The following LRRC53 variants were observed in gnomAD, a reference collection of about 807,000 sequenced individuals.
The protein encoded by LRRC53 is leucine rich repeat containing 53.
In LRRC53, 25 loss-of-function variants were observed where a neutral mutation model predicts 13.6. The observed-to-expected ratio is 1.83, with a 90% CI of 1.34 to 2.56. The LOEUF is 2.56. LRRC53 is among the 30% of genes most tolerant of loss of function. LRRC53 has a pLI of 0.00. For missense variants in LRRC53, 527 were observed against 275.8 expected (o/e 1.91, Z -6.45); for synonymous variants, 204 against 109.8 (o/e 1.86, Z -5.37).
In LRRC53 at chr1:74,486,752, G is replaced by T. The variant is rs559941589; in HGVS notation, c.-26-3377C>A. 3.9e-5 allele frequency among the ~76,000 whole-genome samples: 6 copies of T among 151,970 alleles called. No homozygotes were observed. The South Asian group carries it at 1.2e-3, about 32-fold the overall frequency. Reference sequence around the variant, plus strand: ...GGGGCAATAAAAAGCTTAAAGATAAGGAGGAGAGATGAAACCAAAAGAGGA... The same window carrying T: ...GGGGCAATAAAAAGCTTAAAGATAATGAGGAGAGATGAAACCAAAAGAGGA... On this transcript the variant is annotated intron_variant, in intron 1 of 4. Coordinates refer to ENST00000294635, the MANE Select transcript of LRRC53 (RefSeq NM_001382280.1).
At position 74,470,437 on chromosome 1, in the gene LRRC53, G is replaced by A. The variant is rs1426166302; in HGVS notation, c.3185C>T (p.Thr1062Ile). The A allele has an allele frequency of 5.0e-6, 2 of 400,514 alleles. No individual in the cohort carries two copies. The highest frequency in any genetic ancestry group is 8.8e-6 in the Non-Finnish European group (2 of 226,182). The allele number at this position is 400,514 out of a possible 1,614,324, so 24.8% of individuals were successfully genotyped here. A position where few individuals can be genotyped will look rare whatever the true frequency, so the allele number is the denominator to read the frequency against. ...GCCGTCATTTCTGGGCAATGCATTT[G>A]TGCTGTCAATTCCTTTTTCGCTACT... ...TNSSEKGIDS[T>I]NALPRNDGTE... The change falls in exon 5 of 5, where the codon ACA becomes ATA. Residue 1062 changes from threonine (T) to isoleucine (I), a missense_variant. Transcript: ENST00000294635.
At chr1:74,472,522 C>A (rs1425389344) in intron 4 of LRRC53, among the ~76,000 whole-genome samples, 1 of 152,046 alleles carries the variant, frequency 6.6e-6, no homozygotes, top group Non-Finnish European at 1.5e-5. Flanking sequence ...GTATGTAAAT[C>A]CTTTGTAAAT....
the LRRC53 span, among the ~76,000 whole-genome samples, chr1:74,533,938 G>T: frequency 1.1e-4 from 17 of 152,142 alleles, no homozygotes; most frequent in Admixed American, 2.0e-4. Context: ...AAAAACTTTT[G>T]TTCAAGTTCA....
intron 1 of LRRC53, among the ~76,000 whole-genome samples, chr1:74,502,610 T>C (rs1286125034): frequency 6.6e-6 from 1 of 152,120 alleles, no homozygotes; most frequent in East Asian, 1.9e-4. Flanking sequence ...CTATCCAGAG[T>C]ACTGAACTAC....
At chr1:74,497,863 G>A (rs143160775) in intron 1 of LRRC53, among the ~76,000 whole-genome samples, 10 of 152,264 alleles carry the variant, frequency 6.6e-5, no homozygotes, top group African/African-American at 2.4e-4. Context: ...TGATTCAGGA[G>A]TCCGAAATCC....
At chr1:74,508,115 G>A (rs1205728592) in intron 1 of LRRC53, among the ~76,000 whole-genome samples, 1 of 152,232 alleles carries the variant, frequency 6.6e-6, no homozygotes, top group Non-Finnish European at 1.5e-5. Context: ...AGGAGAGGCA[G>A]GCATGTGGAT....
At chr1:74,498,841 CTG>C (rs925949902) in intron 1 of LRRC53, among the ~76,000 whole-genome samples, 4 of 152,064 alleles carry the variant, frequency 2.6e-5, no homozygotes, top group Admixed American at 1.3e-4. Context: ...CATTCATTCC[CTG>C]TGTGTTTTTT....
the LRRC53 span, among the ~76,000 whole-genome samples, chr1:74,519,075 T>C: frequency 1.1e-5 from 1 of 92,088 alleles, no homozygotes; most frequent in Non-Finnish European, 2.0e-5. Context: ...ATATTCCCCT[T>C]CCTGTGTCCA....
intron 1 of LRRC53, among the ~76,000 whole-genome samples, chr1:74,497,058 C>T (rs1467530011): frequency 6.6e-6 from 1 of 152,148 alleles, no homozygotes; most frequent in Non-Finnish European, 1.5e-5. Flanking sequence ...AAGGGTCCAT[C>T]AAAGGTTTCT....
chr1:74,513,966 A>T (rs1452971516), upstream of LRRC53, among the ~76,000 whole-genome samples: 2 of 152,146 alleles, frequency 1.3e-5, no homozygotes, highest in East Asian at 3.9e-4. Context: ...TCTTCCAAAA[A>T]CTAATTAAGT....
Position 74,470,676 on chromosome 1 carries a change from C to T in LRRC53, c.2946G>A (p.Val982=), listed in dbSNP as rs189614996. The T allele has an allele frequency of 8.2e-5, 33 of 400,498 alleles. No individual in the cohort carries two copies. Among genetic ancestry groups the T allele is most frequent in the Non-Finnish European group, 1.1e-4 (24 of 226,134 alleles). The allele number at this position is 400,498 out of a possible 1,614,324, so 24.8% of individuals were successfully genotyped here. Reference sequence around the variant, plus strand: ...CTTCCTTATCCATAATACAATTTTCCACAATTTGATGTGATATTTGGGGTT... The same window carrying T: ...CTTCCTTATCCATAATACAATTTTCTACAATTTGATGTGATATTTGGGGTT... ...MTKPQISHQI[V]ENCIMDKEEN... is the part of the protein sequence containing the mutation. Residue 982 remains valine (V), a synonymous_variant, in exon 5 of 5, where the codon GTG becomes GTA. Transcript: ENST00000294635.
At chr1:74,521,518 A>G in the LRRC53 span, among the ~76,000 whole-genome samples, 27 of 151,266 alleles carry the variant, frequency 1.8e-4, no homozygotes, top group East Asian at 4.1e-3. Context: ...GTGTATGTGT[A>G]TATATATATA....
the LRRC53 span, among the ~76,000 whole-genome samples, chr1:74,533,742 A>G: frequency 1.3e-5 from 2 of 152,054 alleles, no homozygotes; most frequent in South Asian, 4.2e-4. Flanking sequence ...ATAAAAAATG[A>G]TGAGTTCATG....
At chr1:74,472,403 A>G (rs1231990485) in intron 4 of LRRC53, among the ~76,000 whole-genome samples, 1 of 152,200 alleles carries the variant, frequency 6.6e-6, no homozygotes, top group Non-Finnish European at 1.5e-5. Context: ...TTATGGTCAC[A>G]CTGCAGTCAG....
intron 1 of LRRC53, among the ~76,000 whole-genome samples, chr1:74,485,666 G>A (rs968561214): frequency 1.3e-5 from 2 of 152,166 alleles, no homozygotes; most frequent in Non-Finnish European, 2.9e-5. Context: ...ACCTAACTGG[G>A]TGAGCCCTTC....
At chr1:74,518,699 A>G in the LRRC53 span, among the ~76,000 whole-genome samples, 8 of 152,156 alleles carry the variant, frequency 5.3e-5, no homozygotes, top group South Asian at 1.7e-3. Flanking sequence ...TAAGCTCAAA[A>G]TTATTATATT....
chr1:74,492,627 G>A (rs1383529974), intron 1 of LRRC53, among the ~76,000 whole-genome samples: 3 of 152,098 alleles, frequency 2.0e-5, no homozygotes, highest in South Asian at 2.1e-4. Context: ...GAAGTTCAGC[G>A]TTCTAAGAAT....
chr1:74,498,892 G>T (rs900410563), intron 1 of LRRC53, among the ~76,000 whole-genome samples: 1 of 152,186 alleles, frequency 6.6e-6, no homozygotes, highest in East Asian at 1.9e-4. Context: ...ATAACAAAAG[G>T]TAATGTTCCT....
At chr1:74,487,320 T>C (rs1009099656) in intron 1 of LRRC53, among the ~76,000 whole-genome samples, 8 of 152,128 alleles carry the variant, frequency 5.3e-5, no homozygotes, top group Non-Finnish European at 1.0e-4. Flanking sequence ...ATTATGTAGG[T>C]CATAGGTGAG....
Sources: gnomAD v4.1 joint callset for allele counts (sites outside exome capture counted in the v4.1 genomes callset) on GRCh38, gnomAD v4.1.1 for gene constraint, MANE v1.5 for transcripts, NCBI Gene and HGNC (gene_info 2026-07-23, HGNC 2026-07-21) for gene names.